The following EPHB1 variants were observed in gnomAD, a reference collection of about 807,000 sequenced individuals.
The protein encoded by EPHB1 is ephrin type-B receptor 1.
In EPHB1, 30 loss-of-function variants were observed where a neutral mutation model predicts 94.4. The observed-to-expected ratio is 0.32, with a 90% CI of 0.24 to 0.43. EPHB1 has a LOEUF of 0.43. Among genes scored for constraint, EPHB1 ranks in the 20% least tolerant of loss-of-function variants. The pLI is 1.00. For missense variants in EPHB1, 1,055 were observed against 1,308.3 expected (o/e 0.81, Z 2.99); for synonymous variants, 522 against 489.1 (o/e 1.07, Z -0.89).
intron 3 of EPHB1, among the ~76,000 whole-genome samples, chr3:135,020,882 A>G (rs1191599342): frequency 2.0e-5 from 3 of 152,222 alleles, no homozygotes; most frequent in Non-Finnish European, 4.4e-5. Flanking sequence ...TTTCGTAAAT[A>G]GTAATAGGGT....
chr3:135,108,228 G>A (rs969145843), intron 4 of EPHB1, among the ~76,000 whole-genome samples: 1 of 152,158 alleles, frequency 6.6e-6, no homozygotes, highest in East Asian at 1.9e-4. Context: ...TTCATTCACT[G>A]GCAGTATTGG....
intron 3 of EPHB1, among the ~76,000 whole-genome samples, chr3:135,075,168 C>T (rs1360612752): frequency 1.3e-5 from 2 of 152,160 alleles, no homozygotes; most frequent in African/African-American, 4.8e-5. Flanking sequence ...TCTGAACTAT[C>T]CCCAACCAGC....
intron 1 of EPHB1, among the ~76,000 whole-genome samples, chr3:134,846,577 C>T (rs1656699732): frequency 6.6e-6 from 1 of 152,120 alleles, no homozygotes; most frequent in Non-Finnish European, 1.5e-5. Flanking sequence ...ATGGCTTTTC[C>T]CCCTTCTTCT....
intron 7 of EPHB1, among the ~76,000 whole-genome samples, chr3:135,163,626 G>A (rs987098485): frequency 2.0e-5 from 3 of 152,184 alleles, no homozygotes; most frequent in Admixed American, 2.0e-4. Flanking sequence ...GCATCAGGAC[G>A]TACACAGGAT....
In EPHB1 at chr3:135,227,879, CTCTCTT is replaced by C. The variant is rs1439847337; in HGVS notation, c.2347-13263_2347-13258del. ...TCTTTATTATTTGCTCTCTTCCTTT[CTCTCTT>C]TCTCTCTCTGTAAAATATTTTTTCT... is the stretch of plus-strand genomic sequence containing the variant. On this transcript the variant is annotated intron_variant, in intron 12 of 15. Coordinates refer to ENST00000398015, the MANE Select transcript of EPHB1 (RefSeq NM_004441.5). Among the ~76,000 whole-genome samples, 3 of 152,166 alleles carry C rather than the reference CTCTCTT, an allele frequency of 2.0e-5. No homozygotes were observed. In the East Asian group the frequency reaches 5.8e-4, roughly 29 times the overall value.
chr3:134,805,632 A>G (rs915318686), intron 1 of EPHB1, among the ~76,000 whole-genome samples: 1 of 152,110 alleles, frequency 6.6e-6, no homozygotes, highest in African/African-American at 2.4e-5. Context: ...GCACAGCTGC[A>G]CATGCCCTGG....
chr3:134,968,351 T>C (rs1933841387), intron 3 of EPHB1, among the ~76,000 whole-genome samples: 1 of 152,184 alleles, frequency 6.6e-6, no homozygotes, highest in South Asian at 2.1e-4. Flanking sequence ...ATATGAATTG[T>C]GGGAAGAATG....
At chr3:134,885,627 G>C (rs2037847705) in intron 1 of EPHB1, among the ~76,000 whole-genome samples, 1 of 152,228 alleles carries the variant, frequency 6.6e-6, no homozygotes. Flanking sequence ...TAGCATCCAA[G>C]GAGTTTTGTG....
intron 1 of EPHB1, among the ~76,000 whole-genome samples, chr3:134,822,277 C>T (rs1332786583): frequency 1.3e-5 from 2 of 152,066 alleles, no homozygotes; most frequent in African/African-American, 2.4e-5. Flanking sequence ...TGACTCAGCA[C>T]AGTAGCTGCT....
intron 2 of EPHB1, among the ~76,000 whole-genome samples, chr3:134,938,657 G>A (rs545549479): frequency 6.6e-5 from 10 of 152,308 alleles, no homozygotes; most frequent in African/African-American, 2.4e-4. Context: ...AATAACTGAT[G>A]TGCACTCAGA....
In EPHB1 at chr3:134,836,263, C is replaced by T. The variant is rs541010931; in HGVS notation, c.58+40574C>T. Among the ~76,000 whole-genome samples the T allele has an allele frequency of 2.6e-5, 4 of 152,276 alleles. No individual in the cohort carries two copies. In the East Asian group the frequency reaches 7.7e-4, roughly 29 times the overall value. On this transcript the variant is annotated intron_variant, in intron 1 of 15. Transcript: ENST00000398015. ...GTCAATGCAAGGCATGATTTAAACA[C>T]CTATTATACTCAGTTTTCTCAATTA...
At chr3:134,874,830 C>A (rs1164829090) in intron 1 of EPHB1, among the ~76,000 whole-genome samples, 1 of 152,180 alleles carries the variant, frequency 6.6e-6, no homozygotes, top group African/African-American at 2.4e-5. Flanking sequence ...ATTGTAGTTA[C>A]CCGATGGGCT....
At chr3:135,079,229 T>G (rs1185951139) in intron 3 of EPHB1, among the ~76,000 whole-genome samples, 1 of 152,226 alleles carries the variant, frequency 6.6e-6, no homozygotes, top group Non-Finnish European at 1.5e-5. Flanking sequence ...TAGAATGAGT[T>G]GATCATGGGG....
intron 3 of EPHB1, among the ~76,000 whole-genome samples, chr3:134,959,904 C>T (rs1933438115): frequency 6.8e-6 from 1 of 146,206 alleles, no homozygotes. Context: ...TGCTTTTGGT[C>T]CCCATCTCTT....
intron 1 of EPHB1, among the ~76,000 whole-genome samples, chr3:134,856,499 T>G (rs2037121267): frequency 6.6e-6 from 1 of 152,178 alleles, no homozygotes; most frequent in Non-Finnish European, 1.5e-5. Flanking sequence ...GGAATGGAAT[T>G]TTTTAAAACT....
At chr3:135,170,849 G>A (rs2107701405) in intron 9 of EPHB1, among the ~76,000 whole-genome samples, 1 of 152,308 alleles carries the variant, frequency 6.6e-6, no homozygotes, top group Non-Finnish European at 1.5e-5. Flanking sequence ...ATAAGAGCTT[G>A]TTAAGGGGTT....
chr3:135,208,246 G>C (rs961279756), intron 12 of EPHB1, among the ~76,000 whole-genome samples: 1 of 151,608 alleles, frequency 6.6e-6, no homozygotes, highest in Admixed American at 6.6e-5. Flanking sequence ...CCCAAACGCT[G>C]TGATAGGAGT....
rs1266117218 is a variant in EPHB1 at position 135,096,080 on chromosome 3, A to G, written c.806-10368A>G. On this transcript the variant is annotated intron_variant, in intron 3 of 15. Coordinates refer to ENST00000398015, the MANE Select transcript of EPHB1 (RefSeq NM_004441.5). Reference sequence around the variant, plus strand: ...TGCCTAGCACACCTCCAAGTATATTATAGGTGGTCAATAAATACTTTCAAG... The same window carrying G: ...TGCCTAGCACACCTCCAAGTATATTGTAGGTGGTCAATAAATACTTTCAAG... Among the ~76,000 whole-genome samples the G allele has an allele frequency of 2.0e-5, 3 of 152,306 alleles. No individual in the cohort carries two copies. The South Asian group carries it at 6.2e-4, about 32-fold the overall frequency.
chr3:134,934,106 C>T (rs375388514), intron 2 of EPHB1, among the ~76,000 whole-genome samples: 11 of 152,116 alleles, frequency 7.2e-5, no homozygotes, highest in African/African-American at 2.7e-4. Flanking sequence ...ACCAAAAGGC[C>T]TGTAATTAGG....
Sources: allele counts gnomAD v4.1 joint callset (sites outside exome capture counted in the v4.1 genomes callset), GRCh38; gene constraint gnomAD v4.1.1; transcripts MANE v1.5; gene names NCBI Gene and HGNC (gene_info 2026-07-23, HGNC 2026-07-21).